Variants in STARD3NL observed in about 807,000 individuals in gnomAD.
The protein encoded by STARD3NL is STARD3 N-terminal like.
Under a neutral mutation model 30.9 loss-of-function variants are expected in STARD3NL, and 17 were observed. The ratio of observed to expected loss-of-function variants is 0.55; its 90% CI spans 0.38 to 0.82. STARD3NL has a LOEUF of 0.82. Ranked by LOEUF, STARD3NL falls within the 40% of genes least tolerant of loss-of-function variation. The pLI, the probability that STARD3NL is intolerant of heterozygous loss-of-function variation, is 0.00. For missense variants in STARD3NL, 234 were observed against 277.6 expected (o/e 0.84, Z 1.12); for synonymous variants, 112 against 100.5 (o/e 1.11, Z -0.69).
chr7:38,189,155 G>C (rs1210362993), intron 1 of STARD3NL, among the ~76,000 whole-genome samples: 1 of 151,942 alleles, frequency 6.6e-6, no homozygotes, highest in African/African-American at 2.4e-5. Flanking sequence ...GAAAAGGGCA[G>C]AACACAAAGC....
chr7:38,198,888 A>G (rs191025335), intron 1 of STARD3NL, among the ~76,000 whole-genome samples: 21 of 152,326 alleles, frequency 1.4e-4, no homozygotes, highest in Non-Finnish European at 3.1e-4. Flanking sequence ...TGCAGCCTAG[A>G]TCAGGTGAAA....
chr7:38,209,459 T>C (rs1785671546), intron 2 of STARD3NL, among the ~76,000 whole-genome samples: 1 of 152,096 alleles, frequency 6.6e-6, no homozygotes, highest in African/African-American at 2.4e-5. Flanking sequence ...AATTTTTTTG[T>C]ATTTTTAGTA....
At chr7:38,203,212 A>AGT (rs1219933224) in intron 1 of STARD3NL, among the ~76,000 whole-genome samples, 1 of 152,266 alleles carries the variant, frequency 6.6e-6, no homozygotes, top group East Asian at 1.9e-4. Context: ...TGAAGGAAAA[A>AGT]GTGTTAAGGG....
chr7:38,229,747 G>C (rs973586285), intron 8 of STARD3NL, among the ~76,000 whole-genome samples, 176 bp from the exon 9 acceptor site: 9 of 152,350 alleles, frequency 5.9e-5, no homozygotes, highest in African/African-American at 1.9e-4. Context: ...GCTCGTAGTT[G>C]AGCCTTTTCT....
chr7:38,207,817 A>T, intron 2 of STARD3NL, 88 bp downstream of exon 2: 3 of 1,234,664 alleles, frequency 2.4e-6, no homozygotes, highest in Non-Finnish European at 3.4e-6. Flanking sequence ...CATTTGTTTC[A>T]TTTAGTAATT....
chr7:38,206,102 T>C (rs1037454564), intron 1 of STARD3NL, among the ~76,000 whole-genome samples: 2 of 152,204 alleles, frequency 1.3e-5, no homozygotes, highest in Non-Finnish European at 2.9e-5. Context: ...GGGTCAAGTG[T>C]AAAGAGACGA....
intron 7 of STARD3NL, among the ~76,000 whole-genome samples, chr7:38,223,011 A>C (rs1156236013): frequency 6.6e-6 from 1 of 152,178 alleles, no homozygotes; most frequent in African/African-American, 2.4e-5. Flanking sequence ...GCCCTGCTAC[A>C]GCACTGACTT....
intron 2 of STARD3NL, among the ~76,000 whole-genome samples, chr7:38,211,650 T>C (rs1785810007): frequency 1.3e-5 from 2 of 152,196 alleles, no homozygotes; most frequent in African/African-American, 4.8e-5. Context: ...TGGAGCAGAT[T>C]GGACAACATG....
At chr7:38,186,986 C>T (rs912326938) in intron 1 of STARD3NL, among the ~76,000 whole-genome samples, 10 of 151,856 alleles carry the variant, frequency 6.6e-5, no homozygotes, top group East Asian at 5.8e-4. Flanking sequence ...ATAGAGACCC[C>T]GTTGTTTCAG....
intron 1 of STARD3NL, among the ~76,000 whole-genome samples, chr7:38,181,056 C>T (rs941213843): frequency 1.3e-5 from 2 of 152,164 alleles, no homozygotes; most frequent in African/African-American, 4.8e-5. Context: ...GACATTGCTT[C>T]TTCTTGGGCT....
chr7:38,197,134 T>TTTTTTC (rs1554295445), intron 1 of STARD3NL, among the ~76,000 whole-genome samples: 11 of 126,386 alleles, frequency 8.7e-5, no homozygotes, highest in Non-Finnish European at 1.1e-4. Context: ...TAGCATTACC[T>TTTTTTC]TTTTTCTTTC....
chr7:38,229,902 T>C (rs964425338), intron 8 of STARD3NL, 21 bp from the exon 9 acceptor site: 1 of 152,288 alleles, frequency 6.6e-6, no homozygotes, highest in Non-Finnish European at 1.5e-5. Flanking sequence ...TAAATACTTT[T>C]GTCTTCTCTC....
At chr7:38,226,441 G>C (rs1237668307) in intron 7 of STARD3NL, among the ~76,000 whole-genome samples, 1 of 152,134 alleles carries the variant, frequency 6.6e-6, no homozygotes, top group Non-Finnish European at 1.5e-5. Flanking sequence ...GCAGAGCCTA[G>C]CTAGTGATTA....
intron 1 of STARD3NL, among the ~76,000 whole-genome samples, chr7:38,181,106 C>G (rs891085249): frequency 2.0e-5 from 3 of 152,264 alleles, no homozygotes; most frequent in Middle Eastern, 3.4e-3. Flanking sequence ...CTTTTCTGAA[C>G]AATGAACAGG....
chr7:38,190,754 A>G (rs937971750), intron 1 of STARD3NL, among the ~76,000 whole-genome samples: 15 of 151,988 alleles, frequency 9.9e-5, no homozygotes, highest in African/African-American at 3.1e-4. Flanking sequence ...GCTCTTTTCT[A>G]TTTGAAGAGT....
At chr7:38,226,572 C>G (rs765867512) in intron 7 of STARD3NL, among the ~76,000 whole-genome samples, 1 of 152,214 alleles carries the variant, frequency 6.6e-6, no homozygotes, top group South Asian at 2.1e-4. Context: ...CCAGCTTTTA[C>G]TTTCTGCTAA....
intron 7 of STARD3NL, among the ~76,000 whole-genome samples, chr7:38,222,611 C>T (rs1401467128): frequency 1.3e-5 from 2 of 152,214 alleles, no homozygotes; most frequent in African/African-American, 4.8e-5. Flanking sequence ...AACACGGTCT[C>T]AAGCATGCCT....
chr7:38,217,752 T>C (rs990792630), intron 6 of STARD3NL, among the ~76,000 whole-genome samples: 5 of 152,198 alleles, frequency 3.3e-5, no homozygotes, highest in Non-Finnish European at 7.3e-5. Context: ...AGCCAGTGAT[T>C]CTCCAAAGTC....
Position 38,217,047 on chromosome 7 carries a change from C to T in STARD3NL, c.404C>T (p.Ala135Val). 6.2e-7 allele frequency: 1 copy of T among 1,614,076 alleles called. No homozygotes were observed. Among genetic ancestry groups the T allele is most frequent in the Non-Finnish European group, 8.5e-7 (1 of 1,179,962 alleles). ...AIALTTAVTS[A>V]FLLAKVILSK... Reference sequence around the variant, plus strand: ...CAGTTGACAACGGCAGTGACCAGTGCCTTTTTACTAGCAAAAGTGATCCTT... The same window carrying T: ...CAGTTGACAACGGCAGTGACCAGTGTCTTTTTACTAGCAAAAGTGATCCTT... Residue 135 changes from alanine to valine, a missense_variant, in exon 5 of 9, where the codon GCC becomes GTC. Physicochemically the swap from Ala to Val is moderately conservative, Grantham distance 64. Transcript: ENST00000009041.
Sources: allele counts gnomAD v4.1 joint callset (sites outside exome capture counted in the v4.1 genomes callset), GRCh38; gene constraint gnomAD v4.1.1; transcripts MANE v1.5; gene names NCBI Gene and HGNC (gene_info 2026-07-23, HGNC 2026-07-21).